AXDND1: variants seen among roughly 807,000 people sequenced by gnomAD.
AXDND1 encodes axonemal dynein light chain domain containing 1.
A neutral mutation model predicts 137.5 loss-of-function variants in AXDND1; 110 were observed. That is an observed-to-expected ratio of 0.80 (90% CI 0.69 to 0.94). The LOEUF is 0.94. Ranked by LOEUF, AXDND1 falls within the 40% of genes least tolerant of loss-of-function variation. AXDND1 has a pLI of 0.00. For synonymous variants in AXDND1, 414 were observed against 399.7 expected (o/e 1.04, Z -0.43); for missense variants, 1,191 against 1,169.8 (o/e 1.02, Z -0.26).
intron 9 of AXDND1, among the ~76,000 whole-genome samples, chr1:179,385,589 C>T (rs1370688723): frequency 1.3e-5 from 2 of 152,042 alleles, no homozygotes; most frequent in Non-Finnish European, 2.9e-5. Context: ...TGATGCAGAT[C>T]AAGAGAAAGA....
chr1:179,554,060 G>A (rs1022640655), intron 25 of AXDND1, among the ~76,000 whole-genome samples: 14 of 152,140 alleles, frequency 9.2e-5, no homozygotes, highest in East Asian at 5.8e-4. Flanking sequence ...TTACAGGCAT[G>A]TGCTACCACG....
chr1:179,525,832 A>G (rs899030451), intron 22 of AXDND1, among the ~76,000 whole-genome samples: 4 of 151,838 alleles, frequency 2.6e-5, no homozygotes, highest in Non-Finnish European at 5.9e-5. Context: ...TAGTGGGGGG[A>G]AAATTATAGA....
intron 15 of AXDND1, among the ~76,000 whole-genome samples, chr1:179,440,742 C>T (rs12078410): frequency 0.46 from 70,706 of 152,120 alleles, 17,047 homozygotes; most frequent in East Asian, 0.76. Flanking sequence ...AGAAGCTGCA[C>T]GAGAGCGAAT....
intron 20 of AXDND1, among the ~76,000 whole-genome samples, chr1:179,499,766 A>T (rs1667810198): frequency 6.6e-6 from 1 of 152,172 alleles, no homozygotes; most frequent in South Asian, 2.1e-4. Flanking sequence ...AGGAATGAGT[A>T]ACTCAGATGA....
chr1:179,531,575 G>T (rs1377310611), intron 23 of AXDND1, among the ~76,000 whole-genome samples: 4 of 152,028 alleles, frequency 2.6e-5, no homozygotes, highest in African/African-American at 9.7e-5. Flanking sequence ...AACAGAAGGG[G>T]CCTAATTGTG....
intron 21 of AXDND1, among the ~76,000 whole-genome samples, chr1:179,510,894 C>T (rs1456282036): frequency 6.7e-6 from 1 of 149,152 alleles, no homozygotes; most frequent in Non-Finnish European, 1.5e-5. Flanking sequence ...ATCCCTTGCC[C>T]CCCTCCCACC....
intron 17 of AXDND1, 169 bp downstream of exon 17, chr1:179,468,810 A>G (rs1663558176): frequency 6.2e-6 from 3 of 486,028 alleles, no homozygotes; most frequent in South Asian, 9.0e-5. Flanking sequence ...CATCACCTCA[A>G]AAAGAAGCCT....
chr1:179,442,848 A>G (rs191558764), intron 15 of AXDND1, among the ~76,000 whole-genome samples: 2 of 152,298 alleles, frequency 1.3e-5, no homozygotes, highest in East Asian at 3.9e-4. Context: ...GACTGAACAA[A>G]GTGGGGCGAA....
chr1:179,520,692 T>C (rs1337621243), intron 21 of AXDND1, among the ~76,000 whole-genome samples: 1 of 151,820 alleles, frequency 6.6e-6, no homozygotes, highest in African/African-American at 2.4e-5. Context: ...TGAATTGTAT[T>C]ATCCAAGAAT....
intron 4 of AXDND1, among the ~76,000 whole-genome samples, chr1:179,377,612 A>G (rs1010205105): frequency 1.3e-5 from 2 of 152,160 alleles, no homozygotes; most frequent in African/African-American, 2.4e-5. Flanking sequence ...TTGTTTTATT[A>G]AACTTCTTAT....
intron 4 of AXDND1, among the ~76,000 whole-genome samples, chr1:179,375,701 G>T (rs1668550411): frequency 2.0e-5 from 3 of 151,992 alleles, no homozygotes; most frequent in Admixed American, 2.0e-4. Context: ...AGCATTTATT[G>T]GTGTGATAAG....
At chr1:179,457,640 G>T (rs1423760166) in intron 16 of AXDND1, among the ~76,000 whole-genome samples, 1 of 151,952 alleles carries the variant, frequency 6.6e-6, no homozygotes, top group Non-Finnish European at 1.5e-5. Context: ...TTTTCAGTTC[G>T]TCTAAGAAAG....
At chr1:179,432,130 A>C in intron 14 of AXDND1, 137 bp from the exon 15 acceptor site, 1 of 1,100,796 alleles carries the variant, frequency 9.1e-7, no homozygotes, top group African/African-American at 1.6e-5. Context: ...CTGTGGGGAG[A>C]GGGGCTGGAC....
chr1:179,403,490 C>T (rs928723125), intron 11 of AXDND1, among the ~76,000 whole-genome samples: 3 of 152,188 alleles, frequency 2.0e-5, no homozygotes, highest in Admixed American at 1.3e-4. Context: ...ATGGAAATTA[C>T]GTGAAAACTG....
chr1:179,551,033 T>G (rs1572252528), intron 25 of AXDND1: 2 of 951,810 alleles, frequency 2.1e-6, no homozygotes. Flanking sequence ...TCATGGATGG[T>G]GCATTGTGAC....
intron 25 of AXDND1, among the ~76,000 whole-genome samples, chr1:179,540,293 C>T (rs1342470351): frequency 1.3e-5 from 2 of 152,170 alleles, no homozygotes; most frequent in African/African-American, 2.4e-5. Context: ...TTGGAATTTT[C>T]AGCCTTTCTG....
At chr1:179,529,432 A>G (rs1444818629) in intron 23 of AXDND1, among the ~76,000 whole-genome samples, 1 of 152,244 alleles carries the variant, frequency 6.6e-6, no homozygotes, top group African/African-American at 2.4e-5. Flanking sequence ...AAGGCATATA[A>G]ATTTGTTTAA....
At chr1:179,514,052 G>C (rs1406603792) in intron 21 of AXDND1, among the ~76,000 whole-genome samples, 1 of 151,162 alleles carries the variant, frequency 6.6e-6, no homozygotes, top group Non-Finnish European at 1.5e-5. Flanking sequence ...TTTTTTGTTT[G>C]TTTATTTCAA....
At chr1:179,426,734 A>G (rs1656623911) in intron 12 of AXDND1, among the ~76,000 whole-genome samples, 1 of 152,242 alleles carries the variant, frequency 6.6e-6, no homozygotes, top group South Asian at 2.1e-4. Context: ...GTAGAACACT[A>G]AGGAGCCATT....
Sources: gnomAD v4.1 joint callset for allele counts (sites outside exome capture counted in the v4.1 genomes callset) on GRCh38, gnomAD v4.1.1 for gene constraint, MANE v1.5 for transcripts, NCBI Gene and HGNC (gene_info 2026-07-23, HGNC 2026-07-21) for gene names.